The following SNTG1 variants were observed in gnomAD, a reference collection of about 807,000 sequenced individuals.
The protein encoded by SNTG1 is gamma-1-syntrophin.
Under a neutral mutation model 74.7 loss-of-function variants are expected in SNTG1, and 39 were observed. That is an observed-to-expected ratio of 0.52 (90% CI 0.40 to 0.68). SNTG1 has a LOEUF of 0.68. SNTG1 is among the 30% of genes least tolerant of loss of function. SNTG1 has a pLI of 0.00. For synonymous variants in SNTG1, 254 were observed against 217.1 expected (o/e 1.17, Z -1.49); for missense variants, 685 against 609.5 (o/e 1.12, Z -1.30).
chr8:50,689,367 G>T (rs570535423), intron 15 of SNTG1, among the ~76,000 whole-genome samples: 2 of 151,856 alleles, frequency 1.3e-5, no homozygotes, highest in Non-Finnish European at 2.9e-5. Flanking sequence ...TGCCCATTCA[G>T]TATATTGGCT....
chr8:50,138,278 T>G (rs984112919), intron 1 of SNTG1, among the ~76,000 whole-genome samples: 29 of 151,904 alleles, frequency 1.9e-4, no homozygotes, highest in African/African-American at 5.6e-4. Context: ...AAACAGCAAT[T>G]GAAATAATTC....
intron 1 of SNTG1, among the ~76,000 whole-genome samples, chr8:50,034,109 A>G (rs1409649709): frequency 1.3e-5 from 2 of 152,224 alleles, no homozygotes; most frequent in African/African-American, 4.8e-5. Flanking sequence ...AGTAGCTAAC[A>G]TAAAAGTCTG....
At chr8:50,714,376 C>T (rs2095470205) in intron 17 of SNTG1, among the ~76,000 whole-genome samples, 1 of 151,082 alleles carries the variant, frequency 6.6e-6, no homozygotes, top group Non-Finnish European at 1.5e-5. Flanking sequence ...CAAACTGCTG[C>T]TCAAGGAAAT....
intron 1 of SNTG1, among the ~76,000 whole-genome samples, chr8:49,922,194 C>T (rs558590771): frequency 1.3e-4 from 20 of 152,090 alleles, no homozygotes; most frequent in Admixed American, 3.9e-4. Flanking sequence ...AGGAATTTCC[C>T]GAGTTCAGGC....
chr8:50,582,950 T>G (rs1485963183), intron 12 of SNTG1, among the ~76,000 whole-genome samples: 2 of 152,066 alleles, frequency 1.3e-5, no homozygotes, highest in African/African-American at 4.8e-5. Context: ...ACCCAATGAG[T>G]TTCCTTATCA....
chr8:50,568,940 C>T (rs1022506304), intron 12 of SNTG1: 4 of 152,170 alleles, frequency 2.6e-5, no homozygotes, highest in Non-Finnish European at 5.9e-5. Context: ...ACAACAGCTA[C>T]AAACATCACT....
rs182035917 is a variant in SNTG1 at position 50,090,904 on chromosome 8, G to A, written c.-102-81657G>A. On this transcript the variant is annotated intron_variant, in intron 1 of 18. Transcript: ENST00000642720. ...GCTTTTCTGAAATTAAGGCCACAATGGGGCCCTTGTTAAAATTATGCTTTT... is the reference window on the plus strand; with the variant it reads ...GCTTTTCTGAAATTAAGGCCACAATAGGGCCCTTGTTAAAATTATGCTTTT... 3.9e-5 allele frequency among the ~76,000 whole-genome samples: 6 copies of A among 152,218 alleles called. No individual in the cohort carries two copies. The East Asian group carries it at 1.2e-3, about 29-fold the overall frequency.
intron 2 of SNTG1, among the ~76,000 whole-genome samples, chr8:50,255,716 T>C (rs1411929747): frequency 6.6e-6 from 1 of 152,186 alleles, no homozygotes; most frequent in Non-Finnish European, 1.5e-5. Context: ...ATCATTTGCA[T>C]TGAATTAGTG....
intron 1 of SNTG1, among the ~76,000 whole-genome samples, chr8:49,980,062 GA>G: frequency 6.6e-6 from 1 of 152,194 alleles, no homozygotes; most frequent in African/African-American, 2.4e-5. Context: ...AAGTGACAAG[GA>G]AAAAACCACA....
chr8:50,034,328 G>C (rs1481734181), intron 1 of SNTG1, among the ~76,000 whole-genome samples: 1 of 152,198 alleles, frequency 6.6e-6, no homozygotes, highest in East Asian at 1.9e-4. Context: ...AAGAGATGAT[G>C]CAACATTGGT....
At chr8:50,499,593 CTT>C (rs929199417) in intron 8 of SNTG1, among the ~76,000 whole-genome samples, 1 of 151,412 alleles carries the variant, frequency 6.6e-6, no homozygotes, top group Non-Finnish European at 1.5e-5. Flanking sequence ...TGTGGACACT[CTT>C]TTATTTTTTC....
rs1489595445 is a variant in SNTG1, at chr8:50,421,054, G to T, written c.163-17489G>T. Among the ~76,000 whole-genome samples, 37 of 125,956 alleles carry T rather than the reference G, an allele frequency of 2.9e-4. 2 individuals are homozygous for T. The highest frequency in any genetic ancestry group is 1.2e-3 in the South Asian group (4 of 3,354). The allele number at this position is 125,956 out of a possible 152,430, so 82.6% of individuals were successfully genotyped here. On this transcript the variant is annotated intron_variant, in intron 4 of 18. Transcript: ENST00000642720. The stretch of plus-strand genomic sequence containing the variant: ...AAAAAAAAGGCGGTGGGCGGGGGAG[G>T]GGGGGGCGAAGATAAAGGGACATTT...
chr8:50,173,333 A>C lies in SNTG1; in HGVS notation c.-28+698A>C, dbSNP rs143154291. On this transcript the variant is annotated intron_variant, in intron 2 of 18. Transcript: ENST00000642720. ...GAAAAGGTTAGGATTGAAGTCACTA[A>C]ATCTATTTTTATAATAAGCTGTCAC... is the stretch of plus-strand genomic sequence containing the variant. Among the ~76,000 whole-genome samples the C allele has an allele frequency of 1.6e-4, 24 of 152,274 alleles. 1 individual carries two copies. In the East Asian group the frequency reaches 4.4e-3, roughly 28 times the overall value.
chr8:50,127,280 A>C lies in SNTG1; in HGVS notation c.-102-45281A>C, dbSNP rs564453714. On this transcript the variant is annotated intron_variant, in intron 1 of 18. Transcript: ENST00000642720. ...CCATTTACTGTGACTTTTAGTAGTA[A>C]TTAAGTGGTACCAACATTGCATTAA... 1.2e-4 allele frequency among the ~76,000 whole-genome samples: 18 copies of C among 152,240 alleles called. No individual in the cohort carries two copies. In the South Asian group the frequency reaches 3.7e-3, roughly 32 times the overall value.
intron 8 of SNTG1, among the ~76,000 whole-genome samples, chr8:50,490,282 A>G (rs2093839470): frequency 6.6e-6 from 1 of 151,926 alleles, no homozygotes; most frequent in Non-Finnish European, 1.5e-5. Flanking sequence ...ATGAAATTGA[A>G]CGTAGTTTTT....
chr8:50,145,487 T>C (rs2081827369), intron 1 of SNTG1, among the ~76,000 whole-genome samples: 2 of 152,166 alleles, frequency 1.3e-5, no homozygotes, highest in Middle Eastern at 3.2e-3. Flanking sequence ...TTGCAGATCA[T>C]AGTCAAAGAA....
intron 1 of SNTG1, among the ~76,000 whole-genome samples, chr8:49,991,480 A>G (rs148692): frequency 0.1 from 15,961 of 152,188 alleles, 1,235 homozygotes; most frequent in South Asian, 0.2. Context: ...TATCCACACA[A>G]AAACGTGTAC....
At chr8:50,282,057 C>A (rs1422100528) in intron 2 of SNTG1, among the ~76,000 whole-genome samples, 1 of 152,166 alleles carries the variant, frequency 6.6e-6, no homozygotes, top group Admixed American at 6.5e-5. Flanking sequence ...AGCCTAATGG[C>A]TAAGGTCAGC....
At chr8:50,564,269 T>C (rs1186712838) in intron 12 of SNTG1, among the ~76,000 whole-genome samples, 1 of 152,126 alleles carries the variant, frequency 6.6e-6, no homozygotes, top group Non-Finnish European at 1.5e-5. Context: ...TGTATTATTG[T>C]AATTGTCATG....
Sources: allele counts gnomAD v4.1 joint callset (sites outside exome capture counted in the v4.1 genomes callset), GRCh38; gene constraint gnomAD v4.1.1; transcripts MANE v1.5; gene names NCBI Gene and HGNC (gene_info 2026-07-23, HGNC 2026-07-21).